Variants in CFTR observed in about 807,000 individuals in gnomAD.
The protein encoded by CFTR is cystic fibrosis transmembrane conductance regulator.
Under a neutral mutation model 171.6 loss-of-function variants are expected in CFTR, and 181 were observed. The ratio of observed to expected loss-of-function variants is 1.05; its 90% confidence interval spans 0.93 to 1.19. The LOEUF (loss-of-function observed/expected upper bound fraction) is 1.19. Ranked by LOEUF, CFTR falls within the 50% of genes most tolerant of loss-of-function variation. CFTR has a pLI of 0.00. For synonymous variants in CFTR, 583 were observed against 608.0 expected, an observed-to-expected ratio of 0.96 and a Z score of 0.60; for missense variants, 1,968 against 1,734.7, an observed-to-expected ratio of 1.13 and a Z score of -2.39.
chr7:117,500,876 T>G (rs962474957), intron 1 of CFTR, among the ~76,000 whole-genome samples: 6 of 152,198 alleles, frequency 3.9e-5, no homozygotes, highest in African/African-American at 1.2e-4. Context: ...TTCTTGCTAA[T>G]CAAAACGATG....
chr7:117,595,130 T>C (rs148048888), intron 15 of CFTR, 72 bp downstream of exon 15: 2 of 1,230,728 alleles, frequency 1.6e-6, no homozygotes, highest in African/African-American at 2.0e-5. Flanking sequence ...TGTATACATA[T>C]ATATGCACAC....
intron 25 of CFTR, 63 bp downstream of exon 25, chr7:117,664,923 A>C: frequency 6.6e-7 from 1 of 1,522,586 alleles, no homozygotes; most frequent in East Asian, 2.3e-5. Flanking sequence ...TGCCTGCTTC[A>C]TGGTGACACA....
intron 20 of CFTR, among the ~76,000 whole-genome samples, chr7:117,612,280 A>C (rs1792420574): frequency 6.8e-6 from 1 of 147,538 alleles, no homozygotes; most frequent in African/African-American, 2.6e-5. Flanking sequence ...CTTGTCGGTA[A>C]GTTTTGTTTT....
intron 1 of CFTR, among the ~76,000 whole-genome samples, chr7:117,492,366 T>C (rs1480703136): frequency 6.6e-6 from 1 of 151,952 alleles, no homozygotes; most frequent in Non-Finnish European, 1.5e-5. Flanking sequence ...TTTTTTTGGC[T>C]TTTAATATAT....
chr7:117,524,726 A>G (rs1290699697), intron 3 of CFTR, among the ~76,000 whole-genome samples: 2 of 152,224 alleles, frequency 1.3e-5, no homozygotes, highest in Non-Finnish European at 2.9e-5. Context: ...GCAGTAGCTT[A>G]GGAGTGAAAA....
intron 21 of CFTR, 114 bp from the exon 22 acceptor site, chr7:117,627,408 C>A: frequency 9.2e-7 from 1 of 1,088,040 alleles, no homozygotes; most frequent in Non-Finnish European, 1.4e-6. Flanking sequence ...GACAAATAAC[C>A]AAGTGACAAA....
Position 117,610,640 on chromosome 7 carries a change from C to T in CFTR, c.3110C>T (p.Ser1037Leu). 6.2e-7 allele frequency: 1 copy of T among 1,613,478 alleles called. No individual in the cohort carries two copies. Among genetic ancestry groups the T allele is most frequent in the Non-Finnish European group, 8.5e-7 (1 of 1,179,674 alleles). The change falls in exon 19 of 27, where the codon TCA (serine) becomes TTA (leucine). Residue 1037 changes from serine to leucine, a missense_variant. Physicochemically the swap from Ser to Leu is moderately radical, Grantham distance 145. Coordinates refer to ENST00000003084, the MANE Select transcript of CFTR (RefSeq NM_000492.4). Reference sequence around the variant, plus strand: ...TTGAGAGCATATTTCCTCCAAACCTCACAGCAACTCAAACAACTGGAATCT... The same window carrying T: ...TTGAGAGCATATTTCCTCCAAACCTTACAGCAACTCAAACAACTGGAATCT... ...IMLRAYFLQTSQQLKQLESEG... is the reference protein window; with the variant it reads ...IMLRAYFLQTLQQLKQLESEG...
intron 3 of CFTR, among the ~76,000 whole-genome samples, chr7:117,529,425 G>A (rs1213562699): frequency 3.8e-5 from 5 of 131,614 alleles, no homozygotes; most frequent in Middle Eastern, 3.6e-3. Context: ...TAGATGACAC[G>A]TTAGTGGGTG....
intron 16 of CFTR, 23 bp downstream of exon 16, chr7:117,602,886 T>G (rs372460418): frequency 6.3e-7 from 1 of 1,595,252 alleles, no homozygotes; most frequent in African/African-American, 1.3e-5. Context: ...TGTCCTATTG[T>G]GTAGATTGTG....
chr7:117,614,611 A>T lies in CFTR; in HGVS notation c.3368-2A>T, dbSNP rs755416052. 6.3e-7 allele frequency: 1 copy of T among 1,594,472 alleles called. No homozygotes were observed. Among genetic ancestry groups the T allele is most frequent in the Admixed American group, 1.7e-5 (1 of 59,916 alleles). ...TCATTTACGTCTTTTGTGCATCTAT[A>T]GGAGAAGGAGAAGGAAGAGTTGGTA... On this transcript the variant is annotated splice_acceptor_variant, in intron 20 of 26. Coordinates refer to ENST00000003084, the MANE Select transcript of CFTR (RefSeq NM_000492.4). LOFTEE classifies it high-confidence loss of function.
intron 1 of CFTR, among the ~76,000 whole-genome samples, chr7:117,494,247 AT>A (rs4148684): frequency 0.016 from 2,347 of 150,138 alleles, 51 homozygotes; most frequent in African/African-American, 0.05. Flanking sequence ...ATTACACAGT[AT>A]TTTTTTTTTA....
At chr7:117,509,626 T>G (rs906705755) in intron 3 of CFTR, among the ~76,000 whole-genome samples, 1 of 152,166 alleles carries the variant, frequency 6.6e-6, no homozygotes, top group Non-Finnish European at 1.5e-5. Context: ...AAATACTAAA[T>G]AAATAATACT....
intron 23 of CFTR, among the ~76,000 whole-genome samples, chr7:117,648,945 A>G (rs934939176): frequency 2.6e-5 from 4 of 152,126 alleles, no homozygotes; most frequent in African/African-American, 9.7e-5. Context: ...AACACTAGAC[A>G]GTAAACTGTA....
chr7:117,536,745 G>A, intron 7 of CFTR, 72 bp downstream of exon 7: 1 of 1,257,824 alleles, frequency 8.0e-7, no homozygotes, highest in Non-Finnish European at 1.1e-6. Flanking sequence ...GTTTATCATG[G>A]TAGACTTCCA....
At chr7:117,542,528 C>T (rs1308075024) in intron 9 of CFTR, among the ~76,000 whole-genome samples, 1 of 150,470 alleles carries the variant, frequency 6.6e-6, no homozygotes, top group African/African-American at 2.4e-5. Flanking sequence ...GCCTGGGCAA[C>T]AAGGCGAGAC....
chr7:117,604,020 G>A (rs952284689), intron 17 of CFTR, among the ~76,000 whole-genome samples: 1 of 152,118 alleles, frequency 6.6e-6, no homozygotes, highest in African/African-American at 2.4e-5. Context: ...GATGTTGGTG[G>A]GACTGTAGCA....
At chr7:117,650,919 G>A (rs1167090050) in intron 23 of CFTR, among the ~76,000 whole-genome samples, 1 of 152,110 alleles carries the variant, frequency 6.6e-6, no homozygotes, top group African/African-American at 2.4e-5. Context: ...ATTTTGCTGT[G>A]GTGATGAGGA....
chr7:117,628,496 TA>T (rs1562919686), intron 22 of CFTR, among the ~76,000 whole-genome samples: 1 of 152,182 alleles, frequency 6.6e-6, no homozygotes, highest in Non-Finnish European at 1.5e-5. Context: ...TTTTGATTGA[TA>T]TTTTTTAGAT....
intron 10 of CFTR, among the ~76,000 whole-genome samples, chr7:117,557,570 A>G (rs1799380930): frequency 6.6e-6 from 1 of 152,016 alleles, no homozygotes; most frequent in Admixed American, 6.6e-5. Flanking sequence ...TTGCTTTTTA[A>G]ATTTAATATA....
Sources: allele counts gnomAD v4.1 joint callset (sites outside exome capture counted in the v4.1 genomes callset), GRCh38; gene constraint gnomAD v4.1.1; transcripts MANE v1.5; gene names NCBI Gene and HGNC (gene_info 2026-07-23, HGNC 2026-07-21).